The following VAT1L variants were observed in gnomAD, a reference collection of about 807,000 sequenced individuals.
The protein encoded by VAT1L is putative NADPH-dependent quinone oxidoreductase VAT1L.
A neutral mutation model predicts 44.1 loss-of-function variants in VAT1L; 34 were observed. The ratio of observed to expected loss-of-function variants is 0.77; its 90% CI spans 0.59 to 1.03. The LOEUF (loss-of-function observed/expected upper bound fraction) is 1.03, where lower values mean the gene tolerates loss of function less well. VAT1L is among the 50% of genes least tolerant of loss of function. The pLI, the probability that VAT1L is intolerant of heterozygous loss-of-function variation, is 0.00. For missense variants in VAT1L, 615 were observed against 538.8 expected, an observed-to-expected ratio of 1.14 and a Z score of -1.40; for synonymous variants, 253 against 202.2, an observed-to-expected ratio of 1.25 and a Z score of -2.13.
rs1348984423 is a variant in VAT1L at position 77,838,322 on chromosome 16, G to C, written c.579+12861G>C. ...AGAAAAATCAGTTCAGTTGGGAAAG[G>C]GAGGTGTGTAGCAAGAAGCAGCCTC... On this transcript the variant is annotated intron_variant, in intron 3 of 8. Transcript: ENST00000302536. 1.3e-5 allele frequency among the ~76,000 whole-genome samples: 2 copies of C among 152,144 alleles called. 1 individual carries two copies. Among genetic ancestry groups the C allele is most frequent in the Admixed American group, 1.3e-4 (2 of 15,270 alleles).
At chr16:77,790,098 G>A (rs1299198826) in intron 1 of VAT1L, among the ~76,000 whole-genome samples, 3 of 152,162 alleles carry the variant, frequency 2.0e-5, no homozygotes, top group African/African-American at 7.2e-5. Flanking sequence ...CTAGAGGCAC[G>A]AGAAATACAA....
intron 3 of VAT1L, among the ~76,000 whole-genome samples, chr16:77,836,313 G>C (rs1397727407): frequency 6.6e-6 from 1 of 152,056 alleles, no homozygotes; most frequent in African/African-American, 2.4e-5. Flanking sequence ...TGAGCCCCAG[G>C]ATAAGGGAGA....
Position 77,810,070 on chromosome 16 carries a change from A to G in VAT1L, c.234-6851A>G, listed in dbSNP as rs140034626. ...TGATGAACTTAATCTAATAACACCA[A>G]ATCTAGCAAGGATAACTATAATCCT... On this transcript the variant is annotated intron_variant, in intron 1 of 8. Coordinates refer to ENST00000302536, the MANE Select transcript of VAT1L (RefSeq NM_020927.3). Among the ~76,000 whole-genome samples the G allele has an allele frequency of 8.9e-4, 135 of 152,306 alleles. 2 individuals carry two copies. Among genetic ancestry groups the G allele is most frequent in the African/African-American group, 3.1e-3 (129 of 41,564 alleles).
At chr16:77,972,081 G>A (rs1392115119) in intron 8 of VAT1L, 148 bp downstream of exon 8, 4 of 686,076 alleles carry the variant, frequency 5.8e-6, no homozygotes, top group Non-Finnish European at 7.2e-6. Context: ...TGTCATACAT[G>A]AGGGATTCAT....
intron 1 of VAT1L, among the ~76,000 whole-genome samples, chr16:77,815,658 C>T (rs1473311617): frequency 6.6e-6 from 1 of 151,990 alleles, no homozygotes; most frequent in Non-Finnish European, 1.5e-5. Flanking sequence ...AAGAAATAAG[C>T]AAGATGTGCT....
At chr16:77,902,599 A>G (rs1186320923) in intron 7 of VAT1L, among the ~76,000 whole-genome samples, 1 of 152,138 alleles carries the variant, frequency 6.6e-6, no homozygotes, top group African/African-American at 2.4e-5. Context: ...AACAAGCTGT[A>G]CAAGGATGGC....
At chr16:77,862,709 G>A (rs1435186283) in intron 3 of VAT1L, 39 bp from the exon 4 acceptor site, 15 of 1,599,146 alleles carry the variant, frequency 9.4e-6, no homozygotes, top group Non-Finnish European at 1.2e-5. Context: ...TGATCTGGTG[G>A]CTCCTATGTG....
intron 6 of VAT1L, among the ~76,000 whole-genome samples, chr16:77,880,918 G>A (rs2017146539): frequency 6.6e-6 from 1 of 152,074 alleles, no homozygotes; most frequent in Non-Finnish European, 1.5e-5. Context: ...TTGCTGCAAA[G>A]GACATGATTC....
At chr16:77,842,841 T>G (rs973014933) in intron 3 of VAT1L, among the ~76,000 whole-genome samples, 1 of 152,226 alleles carries the variant, frequency 6.6e-6, no homozygotes, top group Non-Finnish European at 1.5e-5. Context: ...AATTTTACCA[T>G]GTAAATTTGT....
intron 3 of VAT1L, among the ~76,000 whole-genome samples, chr16:77,855,996 C>A (rs2016854593): frequency 6.6e-6 from 1 of 152,054 alleles, no homozygotes; most frequent in Non-Finnish European, 1.5e-5. Flanking sequence ...AGCCTGGCAA[C>A]AGAGGAAGAC....
intron 2 of VAT1L, among the ~76,000 whole-genome samples, chr16:77,818,290 A>G (rs2145237737): frequency 6.6e-6 from 1 of 152,360 alleles, no homozygotes; most frequent in Non-Finnish European, 1.5e-5. Flanking sequence ...CTCCAAATTC[A>G]TTATGAAAAA....
chr16:77,975,352 G>C (rs1380337732), intron 8 of VAT1L, among the ~76,000 whole-genome samples: 1 of 151,742 alleles, frequency 6.6e-6, no homozygotes, highest in East Asian at 1.9e-4. Context: ...TGGGATTAGA[G>C]GTGCTCACCA....
intron 5 of VAT1L, among the ~76,000 whole-genome samples, chr16:77,876,996 A>G (rs947990664): frequency 1.3e-5 from 2 of 151,836 alleles, no homozygotes; most frequent in Non-Finnish European, 2.9e-5. Flanking sequence ...TCTTCTCCTA[A>G]ACTCCTCCTG....
chr16:77,944,484 C>T (rs1248943164), intron 7 of VAT1L, among the ~76,000 whole-genome samples: 4 of 152,178 alleles, frequency 2.6e-5, no homozygotes, highest in Admixed American at 2.0e-4. Flanking sequence ...ATTAAATCCT[C>T]GCTCTTCCAC....
At chr16:77,972,360 C>G (rs1456369049) in intron 8 of VAT1L, among the ~76,000 whole-genome samples, 1 of 152,054 alleles carries the variant, frequency 6.6e-6, no homozygotes, top group Non-Finnish European at 1.5e-5. Flanking sequence ...ACTCTGTCAC[C>G]CAGGCTGGAG....
At chr16:77,862,380 T>G (rs1412648196) in intron 3 of VAT1L, among the ~76,000 whole-genome samples, 1 of 152,074 alleles carries the variant, frequency 6.6e-6, no homozygotes, top group Non-Finnish European at 1.5e-5. Context: ...TTTAGGAGGC[T>G]GAGGCGGGTG....
intron 7 of VAT1L, among the ~76,000 whole-genome samples, chr16:77,900,282 T>C (rs1484553419): frequency 6.6e-6 from 1 of 152,208 alleles, no homozygotes; most frequent in Non-Finnish European, 1.5e-5. Flanking sequence ...CATATATCTG[T>C]GTATTTGTGA....
At chr16:77,892,751 T>C (rs2017281342) in intron 7 of VAT1L, 1 of 758,092 alleles carries the variant, frequency 1.3e-6, no homozygotes, top group Non-Finnish European at 2.4e-6. Context: ...AAATGGTTTC[T>C]AGTTTTTCAT....
At chr16:77,920,087 A>T (rs778147978) in intron 7 of VAT1L, among the ~76,000 whole-genome samples, 58 of 152,330 alleles carry the variant, frequency 3.8e-4, no homozygotes, top group South Asian at 6.2e-4. Flanking sequence ...CCAAAAAAAA[A>T]TAAATAAATA....
Sources: allele counts gnomAD v4.1 joint callset (sites outside exome capture counted in the v4.1 genomes callset), GRCh38; gene constraint gnomAD v4.1.1; transcripts MANE v1.5; gene names NCBI Gene and HGNC (gene_info 2026-07-23, HGNC 2026-07-21).